The following ARPC1B variants were observed in gnomAD, a reference collection of about 807,000 sequenced individuals.
ARPC1B encodes the protein actin-related protein 2/3 complex subunit 1B.
A neutral mutation model predicts 46.0 loss-of-function variants in ARPC1B; 29 were observed. That is an observed-to-expected ratio of 0.63 (90% CI 0.47 to 0.86). The LOEUF is 0.86. Ranked by LOEUF, ARPC1B falls within the 40% of genes least tolerant of loss-of-function variation. The pLI is 0.00. For synonymous variants in ARPC1B, 201 were observed against 213.9 expected (o/e 0.94, Z 0.53); for missense variants, 469 against 529.4 (o/e 0.89, Z 1.12).
rs777989872 is a variant in ARPC1B, at chr7:99,389,995, C to T, written c.483C>T (p.Ser161=). ...HPNNVLLAAG[S]CDFKCRIFSA... ...ACAATGTGCTGCTGGCTGCCGGCTC[C>T]TGTGACTTCAAGTGTCGGTGAGACA... is the stretch of plus-strand genomic sequence containing the variant. Residue 161 remains serine, a synonymous_variant, in exon 5 of 10, where the codon TCC becomes TCT. Transcript: ENST00000646101. 2 of 1,614,116 alleles carry T rather than the reference C, an allele frequency of 1.2e-6. No homozygotes were observed. The highest frequency in any genetic ancestry group is 1.7e-6 in the Non-Finnish European group (2 of 1,180,010).
chr7:99,380,301 CTCACTGGTAAGA>C (rs1794171417), intron 1 of ARPC1B, among the ~76,000 whole-genome samples: 1 of 151,088 alleles, frequency 6.6e-6, no homozygotes, highest in African/African-American at 2.5e-5. Context: ...CTCCCACTTC[CTCACTGGTAAGA>C]TGTGGGGGTT....
intron 1 of ARPC1B, among the ~76,000 whole-genome samples, chr7:99,382,842 C>CTTTT (rs756346040): frequency 3.4e-5 from 4 of 119,244 alleles, no homozygotes; most frequent in Non-Finnish European, 5.0e-5. Context: ...CATTCCTAAC[C>CTTTT]TTTTTTTTTT....
chr7:99,386,650 G>A, intron 2 of ARPC1B, 35 bp from the exon 3 acceptor site: 1 of 1,519,840 alleles, frequency 6.6e-7, no homozygotes, highest in Non-Finnish European at 9.1e-7. Flanking sequence ...CAGTCATGGA[G>A]AGGGCCCCTC....
chr7:99,380,886 C>T (rs143054119), intron 1 of ARPC1B, among the ~76,000 whole-genome samples: 1 of 152,298 alleles, frequency 6.6e-6, no homozygotes, highest in Non-Finnish European at 1.5e-5. Context: ...AGTCCTGGGG[C>T]CAACCAGAGC....
intron 5 of ARPC1B, 65 bp from the exon 6 acceptor site, chr7:99,390,828 G>A: frequency 6.9e-7 from 1 of 1,450,260 alleles, no homozygotes; most frequent in Non-Finnish European, 9.4e-7. Context: ...CTCCTGAGTA[G>A]CTGAGAGTAC....
intron 9 of ARPC1B, 159 bp from the exon 10 acceptor site, chr7:99,394,292 C>T: frequency 9.7e-7 from 1 of 1,033,556 alleles, no homozygotes; most frequent in Non-Finnish European, 1.5e-6. Flanking sequence ...ACTGGGGCAC[C>T]CGTCTTCAGG....
At position 99,394,100 on chromosome 7, in the gene ARPC1B, T is replaced by C. The variant is rs1215698143; in HGVS notation, c.1061T>C (p.Met354Thr). 1.2e-6 allele frequency: 2 copies of C among 1,613,638 alleles called. No individual in the cohort carries two copies. The highest frequency in any genetic ancestry group is 2.2e-5 in the South Asian group (2 of 91,088). The change falls in exon 9 of 10, where the codon ATG becomes ACG. Residue 354 changes from methionine to threonine, a missense_variant. By Grantham distance (81) the Met-to-Thr change is moderately conservative. Transcript: ENST00000646101. ...TGCACCACTGGCATGGATGGCGGCATGAGTATCTGGGATGTGAAGGTGAGG... is the reference window on the plus strand; with the variant it reads ...TGCACCACTGGCATGGATGGCGGCACGAGTATCTGGGATGTGAAGGTGAGG... ...QFCTTGMDGG[M>T]SIWDVKSLES...
intron 9 of ARPC1B, 134 bp from the exon 10 acceptor site, chr7:99,394,317 C>T: frequency 9.2e-7 from 1 of 1,083,870 alleles, no homozygotes. Flanking sequence ...GGATTCCAAC[C>T]CAGCTGACAG....
chr7:99,386,460 G>A (rs1794393915), intron 2 of ARPC1B: 1 of 629,880 alleles, frequency 1.6e-6, no homozygotes, highest in Non-Finnish European at 3.0e-6. Flanking sequence ...ATAGGGTGGG[G>A]AGAGGTCCCA....
chr7:99,387,522 G>A (rs1794430072), intron 3 of ARPC1B, among the ~76,000 whole-genome samples: 1 of 152,184 alleles, frequency 6.6e-6, no homozygotes, highest in Non-Finnish European at 1.5e-5. Context: ...CGGATCACCT[G>A]AGGTCAGGAG....
Position 99,392,843 on chromosome 7 carries a change from C to CGGGCCT in ARPC1B, c.957_962dup (p.Gly320_Leu321dup). 2 of 1,548,880 alleles carry CGGGCCT rather than the reference C, an allele frequency of 1.3e-6. No homozygotes were observed. Among genetic ancestry groups the CGGGCCT allele is most frequent in the Non-Finnish European group, 1.7e-6 (2 of 1,145,966 alleles). On this transcript the variant is annotated inframe_insertion, in exon 8 of 10. Transcript: ENST00000646101. ...TCCGAGGGTGGCACGGCTGCGGGCG[C>CGGGCCT]GGGCCTAGACTCGCTGCACAAGAAC...
At chr7:99,376,817 C>G (rs1325870227) in intron 1 of ARPC1B, among the ~76,000 whole-genome samples, 2 of 151,216 alleles carry the variant, frequency 1.3e-5, no homozygotes, top group East Asian at 3.9e-4. Context: ...TTGCGGTGAG[C>G]CAAGATCATG....
At chr7:99,389,841 G>T in intron 4 of ARPC1B, 64 bp from the exon 5 acceptor site, 2 of 1,375,298 alleles carry the variant, frequency 1.5e-6, no homozygotes, top group African/African-American at 2.8e-5. Context: ...AGTCCCTGGT[G>T]CTGAGGTCCA....
chr7:99,392,388 A>C (rs553983956), intron 7 of ARPC1B, among the ~76,000 whole-genome samples: 1 of 152,348 alleles, frequency 6.6e-6, no homozygotes, highest in East Asian at 1.9e-4. Flanking sequence ...CTAGAAAAGC[A>C]AACAGCTGCA....
intron 1 of ARPC1B, among the ~76,000 whole-genome samples, chr7:99,379,722 A>G (rs890055531): frequency 1.3e-5 from 2 of 152,288 alleles, no homozygotes; most frequent in East Asian, 1.9e-4. Flanking sequence ...ATCAAGGCCC[A>G]GGACTTTAGA....
intron 1 of ARPC1B, among the ~76,000 whole-genome samples, chr7:99,381,954 C>T (rs1273770687): frequency 6.6e-6 from 1 of 152,230 alleles, no homozygotes; most frequent in East Asian, 1.9e-4. Context: ...TGAGACCCAA[C>T]ACAAAACTGC....
At chr7:99,378,318 C>G (rs537893752) in intron 1 of ARPC1B, among the ~76,000 whole-genome samples, 14 of 152,022 alleles carry the variant, frequency 9.2e-5, no homozygotes, top group African/African-American at 3.1e-4. Context: ...AGTGATCCAC[C>G]TGGCTTGGCC....
chr7:99,392,412 G>C (rs1177089566), intron 7 of ARPC1B, among the ~76,000 whole-genome samples: 1 of 152,210 alleles, frequency 6.6e-6, no homozygotes, highest in Non-Finnish European at 1.5e-5. Context: ...GTCTCCCCTA[G>C]AGCAGGTGTA....
chr7:99,378,808 G>A (rs866903119), intron 1 of ARPC1B, among the ~76,000 whole-genome samples: 16 of 99,546 alleles, frequency 1.6e-4, no homozygotes, highest in African/African-American at 6.5e-4. Flanking sequence ...ATGGAGTCTT[G>A]CTCTGTCCTC....
Sources: gnomAD v4.1 joint callset for allele counts (sites outside exome capture counted in the v4.1 genomes callset) on GRCh38, gnomAD v4.1.1 for gene constraint, MANE v1.5 for transcripts, NCBI Gene and HGNC (gene_info 2026-07-23, HGNC 2026-07-21) for gene names.